Variants in KIF2A observed in about 807,000 individuals in gnomAD.
The protein encoded by KIF2A is kinesin family member 2A, also known as kinesin-like protein KIF2A.
KIF2A carries 22 observed loss-of-function variants against 100.2 expected under a neutral mutation model. That is an observed-to-expected ratio of 0.22 (90% confidence interval 0.16 to 0.31). KIF2A has a LOEUF of 0.31. Ranked by LOEUF, KIF2A falls within the 10% of genes least tolerant of loss-of-function variation. KIF2A has a pLI of 1.00. For missense variants in KIF2A, 495 were observed against 898.7 expected (o/e 0.55, Z 5.74); for synonymous variants, 268 against 285.9 (o/e 0.94, Z 0.63).
chr5:62,367,873 T>C (rs1741149844), intron 16 of KIF2A, among the ~76,000 whole-genome samples: 1 of 152,238 alleles, frequency 6.6e-6, no homozygotes, highest in Non-Finnish European at 1.5e-5. Context: ...GATTTTAACC[T>C]AGAGACAAAA....
rs527670988 is a variant in KIF2A at position 62,319,702 on chromosome 5, A to G, written c.64+13166A>G. Among the ~76,000 whole-genome samples the G allele has an allele frequency of 3.9e-5, 6 of 152,342 alleles. No individual in the cohort carries two copies. The East Asian group carries it at 7.7e-4, about 20-fold the overall frequency. On this transcript the variant is annotated intron_variant, in intron 1 of 20. Coordinates refer to ENST00000407818, the MANE Select transcript of KIF2A (RefSeq NM_001098511.3). Reference sequence around the variant, plus strand: ...CAGCTTCTCTTTCACTGCTCTGTCTATTCAAGTTTTGACATTCTAAAAAAT... The same window carrying G: ...CAGCTTCTCTTTCACTGCTCTGTCTGTTCAAGTTTTGACATTCTAAAAAAT...
chr5:62,331,477 C>T (rs1308083145), intron 1 of KIF2A, among the ~76,000 whole-genome samples: 1 of 151,886 alleles, frequency 6.6e-6, no homozygotes, highest in Non-Finnish European at 1.5e-5. Context: ...AATCCCAGCT[C>T]CTTGGGAGGC....
At position 62,363,512 on chromosome 5, in the gene KIF2A, C is replaced by T. The variant is rs166008; in HGVS notation, c.1263-183C>T. ...CATTACAAATATATTAGAAATATGC[C>T]GGATTAAATTGTATGAATCTGGTTC... On this transcript the variant is annotated intron_variant, in intron 13 of 20. Coordinates refer to ENST00000407818, the MANE Select transcript of KIF2A (RefSeq NM_001098511.3). Among the ~76,000 whole-genome samples the T allele has an allele frequency of 0.25, 37,501 of 151,990 alleles. 4,713 individuals are homozygous for T. Among genetic ancestry groups the T allele is most frequent in the Middle Eastern group, 0.3 (89 of 294 alleles).
rs1745295191 is a variant in KIF2A, at chr5:62,306,649, G to A, written c.64+113G>A. 3 of 862,204 alleles carry A rather than the reference G, an allele frequency of 3.5e-6. No homozygotes were observed. The Admixed American group carries it at 8.1e-5, about 23-fold the overall frequency. The allele number at this position is 862,204 out of a possible 1,614,324, so 53.4% of individuals were successfully genotyped here. A position where few individuals can be genotyped will look rare whatever the true frequency, so the allele number is the denominator to read the frequency against. On this transcript the variant is annotated intron_variant, in intron 1 of 20. Transcript: ENST00000407818. ...TTGCTTCGCCGGGCTGTGGGGGTGG[G>A]AAGGCGGCGGCCGCGGCGCTTTTGT...
rs577880793 is a variant in KIF2A at position 62,390,375 on chromosome 5, C to T, written c.*4806C>T. ...TGAGAAGTGTAGAACTTGCTTCAGG[C>T]TACAAAACTGTATTATTCCTAAATG... On this transcript the variant is annotated 3_prime_UTR_variant, in exon 21 of 21. Transcript: ENST00000407818. 6.6e-6 allele frequency among the ~76,000 whole-genome samples: 1 copy of T among 152,254 alleles called. No individual in the cohort carries two copies. The highest frequency in any genetic ancestry group is 2.1e-4 in the South Asian group (1 of 4,828).
At chr5:62,353,855 C>G (rs1747973211) in intron 6 of KIF2A, among the ~76,000 whole-genome samples, 1 of 151,894 alleles carries the variant, frequency 6.6e-6, no homozygotes, top group African/African-American at 2.4e-5. Context: ...TTGTGTCCCC[C>G]TCAGGGTCCC....
chr5:62,344,547 C>G (rs1348018754), intron 1 of KIF2A, among the ~76,000 whole-genome samples: 1 of 152,108 alleles, frequency 6.6e-6, no homozygotes, highest in Non-Finnish European at 1.5e-5. Context: ...ATAGGTCCCA[C>G]TGTTGGTGAG....
intron 1 of KIF2A, among the ~76,000 whole-genome samples, chr5:62,312,906 A>G (rs1223211120): frequency 6.6e-6 from 1 of 152,218 alleles, no homozygotes. Flanking sequence ...ATTACCCACT[A>G]CAATAAAACA....
At chr5:62,383,228 G>A (rs1157700828) in intron 20 of KIF2A, among the ~76,000 whole-genome samples, 3 of 99,376 alleles carry the variant, frequency 3.0e-5, no homozygotes, top group Non-Finnish European at 5.9e-5. Context: ...TGCCTGGCCA[G>A]ATTTTTTTTT....
chr5:62,368,158 T>TCC (rs1741165257), intron 16 of KIF2A, among the ~76,000 whole-genome samples: 1 of 152,162 alleles, frequency 6.6e-6, no homozygotes, highest in Non-Finnish European at 1.5e-5. Flanking sequence ...CCCAAAAGGT[T>TCC]CCCCATGTGC....
chr5:62,324,426 A>G lies in KIF2A; in HGVS notation c.64+17890A>G, dbSNP rs112963238. ...AACAATCCTAAGCAAAAATAACAAA[A>G]CCAGAGGTATTATACTACCCCCATT... On this transcript the variant is annotated intron_variant, in intron 1 of 20. Transcript: ENST00000407818. 3.2e-3 allele frequency among the ~76,000 whole-genome samples: 486 copies of G among 152,256 alleles called. 4 individuals are homozygous for G. The highest frequency in any genetic ancestry group is 0.011 in the African/African-American group (464 of 41,538).
chr5:62,351,316 T>C (rs1656087027), intron 4 of KIF2A, among the ~76,000 whole-genome samples: 1 of 152,090 alleles, frequency 6.6e-6, no homozygotes, highest in Admixed American at 6.5e-5. Flanking sequence ...ATTCATCTTA[T>C]TTACTAAATA....
At chr5:62,330,276 A>G (rs1398536842) in intron 1 of KIF2A, among the ~76,000 whole-genome samples, 1 of 152,214 alleles carries the variant, frequency 6.6e-6, no homozygotes, top group Admixed American at 6.5e-5. Flanking sequence ...ACTTGAGCCC[A>G]GAAGGCAGAG....
Position 62,373,220 on chromosome 5 carries a change from G to T in KIF2A, c.1761-467G>T, listed in dbSNP as rs1429594290. On this transcript the variant is annotated intron_variant, in intron 17 of 20. Transcript: ENST00000407818. ...TTTTACATGTAGCTATTTTAATTGA[G>T]CATGATAACTACCAGAAATCTGCAG... Among the ~76,000 whole-genome samples, 4 of 151,780 alleles carry T rather than the reference G, an allele frequency of 2.6e-5. No individual in the cohort carries two copies. The South Asian group carries it at 8.3e-4, about 32-fold the overall frequency.
chr5:62,381,388 G>C (rs766465891), intron 20 of KIF2A, 135 bp downstream of exon 20: 5 of 676,586 alleles, frequency 7.4e-6, no homozygotes, highest in Non-Finnish European at 1.2e-5. Flanking sequence ...TTTTCCAGAG[G>C]TATAAAGACA....
chr5:62,372,370 ATG>A, intron 16 of KIF2A, 66 bp from the exon 17 acceptor site: 1 of 757,154 alleles, frequency 1.3e-6, no homozygotes. Context: ...CTAAATGAAA[ATG>A]TGCAATGTGC....
intron 9 of KIF2A, among the ~76,000 whole-genome samples, chr5:62,358,537 T>G (rs1282946743): frequency 6.6e-6 from 1 of 152,140 alleles, no homozygotes. Context: ...CACATATATA[T>G]ACATATATAT....
chr5:62,350,365 C>T (rs113091554), intron 4 of KIF2A, among the ~76,000 whole-genome samples: 1 of 151,872 alleles, frequency 6.6e-6, no homozygotes, highest in South Asian at 2.1e-4. Context: ...ACAGCCTTGA[C>T]CTCCCAGGGT....
rs1038563433 is a variant in KIF2A, at chr5:62,352,962, T to C, written c.457+252T>C. The C allele has an allele frequency of 6.0e-5, 26 of 433,258 alleles. No homozygotes were observed. The Middle Eastern group carries it at 1.8e-3, about 30-fold the overall frequency. 26.8% of individuals were successfully genotyped at this position (433,258 alleles called of 1,614,324 possible). A position where few individuals can be genotyped will look rare whatever the true frequency, so the allele number is the denominator to read the frequency against. On this transcript the variant is annotated intron_variant, in intron 5 of 20. Transcript: ENST00000407818. Reference sequence around the variant, plus strand: ...GTTTGAGTTTAAAATTCTGGGCAGATGATAATTTGTCAGATGTTACAGAAG... The same window carrying C: ...GTTTGAGTTTAAAATTCTGGGCAGACGATAATTTGTCAGATGTTACAGAAG...
Sources: allele counts gnomAD v4.1 joint callset (sites outside exome capture counted in the v4.1 genomes callset), GRCh38; gene constraint gnomAD v4.1.1; transcripts MANE v1.5; gene names NCBI Gene and HGNC (gene_info 2026-07-23, HGNC 2026-07-21).